Variants in CAMK4 observed in about 807,000 individuals in gnomAD.
CAMK4 encodes calcium/calmodulin-dependent protein kinase type IV.
Under a neutral mutation model 44.9 loss-of-function variants are expected in CAMK4, and 22 were observed. The ratio of observed to expected loss-of-function variants is 0.49; its 90% CI spans 0.35 to 0.70. CAMK4 has a LOEUF of 0.70. CAMK4 is among the 30% of genes least tolerant of loss of function. The pLI is 0.01. For synonymous variants in CAMK4, 218 were observed against 215.4 expected (o/e 1.01, Z -0.11); for missense variants, 498 against 586.8 (o/e 0.85, Z 1.56).
In CAMK4 at chr5:111,465,515, C is replaced by T. The variant is rs138754155; in HGVS notation, c.626-7796C>T. On this transcript the variant is annotated intron_variant, in intron 7 of 10. Coordinates refer to ENST00000282356, the MANE Select transcript of CAMK4 (RefSeq NM_001744.6). ...CAAATAAGCTCAATTGGAAACACAA[C>T]AGGAGATACTACAACCAATACCACA... Among the ~76,000 whole-genome samples, 577 of 152,118 alleles carry T rather than the reference C, an allele frequency of 3.8e-3. 7 individuals are homozygous for T. Among genetic ancestry groups the T allele is most frequent in the African/African-American group, 0.013 (560 of 41,500 alleles).
At chr5:111,448,863 G>A (rs1388536764) in intron 6 of CAMK4, among the ~76,000 whole-genome samples, 3 of 152,066 alleles carry the variant, frequency 2.0e-5, no homozygotes, top group South Asian at 2.1e-4. Context: ...TGCTGAAAGC[G>A]GGGAATTGTA....
At chr5:111,371,201 G>A (rs1750992813) in intron 2 of CAMK4, among the ~76,000 whole-genome samples, 1 of 152,052 alleles carries the variant, frequency 6.6e-6, no homozygotes, top group Non-Finnish European at 1.5e-5. Context: ...CCACTGACTG[G>A]CTACCAGCAA....
At chr5:111,436,666 C>G (rs183996906) in intron 5 of CAMK4, among the ~76,000 whole-genome samples, 132 of 152,312 alleles carry the variant, frequency 8.7e-4, no homozygotes, top group Admixed American at 2.9e-3. Context: ...TTAACAGATG[C>G]CTTTGAACTT....
At chr5:111,343,019 A>G (rs2112750699) in intron 1 of CAMK4, among the ~76,000 whole-genome samples, 1 of 151,780 alleles carries the variant, frequency 6.6e-6, no homozygotes, top group Non-Finnish European at 1.5e-5. Context: ...TAAAATAAGG[A>G]AATGAATTTT....
chr5:111,237,589 G>A (rs62375582), intron 1 of CAMK4, among the ~76,000 whole-genome samples: 29,687 of 152,262 alleles, frequency 0.19, 3,694 homozygotes, highest in Non-Finnish European at 0.28. Flanking sequence ...CTATACAAAT[G>A]CTAGCACTAG....
intron 2 of CAMK4, among the ~76,000 whole-genome samples, chr5:111,363,237 G>A (rs577023172): frequency 3.2e-4 from 48 of 152,062 alleles, no homozygotes; most frequent in Non-Finnish European, 5.9e-4. Flanking sequence ...CTCCACTGGT[G>A]TCAATAACAT....
At chr5:111,279,231 G>A (rs575642513) in intron 1 of CAMK4, among the ~76,000 whole-genome samples, 1 of 152,272 alleles carries the variant, frequency 6.6e-6, no homozygotes, top group African/African-American at 2.4e-5. Flanking sequence ...GAATATTACT[G>A]GAGGAAAGGA....
rs116142728 is a variant in CAMK4 at position 111,345,455 on chromosome 5, G to C, written c.240+1353G>C. 7.8e-3 allele frequency among the ~76,000 whole-genome samples: 1,184 copies of C among 151,926 alleles called. 9 individuals carry two copies. Among genetic ancestry groups the C allele is most frequent in the African/African-American group, 0.026 (1,081 of 41,490 alleles). On this transcript the variant is annotated intron_variant, in intron 2 of 10. Coordinates refer to ENST00000282356, the MANE Select transcript of CAMK4 (RefSeq NM_001744.6). Reference sequence around the variant, plus strand: ...GGATTATTAAAACTTTTATGAAATAGAATTTCCTGTTAAATATTTAGTTTG... The same window carrying C: ...GGATTATTAAAACTTTTATGAAATACAATTTCCTGTTAAATATTTAGTTTG...
intron 1 of CAMK4, among the ~76,000 whole-genome samples, chr5:111,232,156 G>C (rs534412844): frequency 2.0e-5 from 3 of 152,234 alleles, no homozygotes; most frequent in Admixed American, 2.0e-4. Flanking sequence ...GCATGTGGTG[G>C]GGTAAGGGCC....
At chr5:111,385,287 C>T (rs55659715) in intron 4 of CAMK4, among the ~76,000 whole-genome samples, 4,953 of 151,912 alleles carry the variant, frequency 0.033, 283 homozygotes, top group African/African-American at 0.11. Context: ...GTGTAGAGTA[C>T]AAAACAAGGG....
chr5:111,241,855 C>G (rs17521129), intron 1 of CAMK4, among the ~76,000 whole-genome samples: 1 of 152,004 alleles, frequency 6.6e-6, no homozygotes, highest in African/African-American at 2.4e-5. Flanking sequence ...TGTTACAGAG[C>G]GGAGCACATT....
chr5:111,254,227 A>T (rs1373004984), intron 1 of CAMK4, among the ~76,000 whole-genome samples: 1 of 152,220 alleles, frequency 6.6e-6, no homozygotes, highest in African/African-American at 2.4e-5. Context: ...CTCCTGCTTC[A>T]TTAATGTCTA....
At chr5:111,412,200 G>A (rs1026319254) in intron 5 of CAMK4, among the ~76,000 whole-genome samples, 2 of 152,126 alleles carry the variant, frequency 1.3e-5, no homozygotes, top group African/African-American at 4.8e-5. Context: ...AAAGAGAAAA[G>A]ATGCCACTAA....
At chr5:111,441,008 C>G (rs141336100) in intron 5 of CAMK4, among the ~76,000 whole-genome samples, 1 of 152,120 alleles carries the variant, frequency 6.6e-6, no homozygotes. Flanking sequence ...GCAAAGTGGG[C>G]GTTGCAGATG....
Position 111,485,917 on chromosome 5 carries a change from G to A in CAMK4, c.*1451G>A, listed in dbSNP as rs1250911683. On this transcript the variant is annotated 3_prime_UTR_variant, in exon 11 of 11. Coordinates refer to ENST00000282356, the MANE Select transcript of CAMK4 (RefSeq NM_001744.6). ...ATGAATATTTTATCAGATTAATTAT[G>A]TGTCACATTTTTGGTGGGTTTTCTC... The A allele has an allele frequency of 6.6e-6, 1 of 151,976 alleles. No individual in the cohort carries two copies. Among genetic ancestry groups the A allele is most frequent in the Non-Finnish European group, 1.5e-5 (1 of 67,984 alleles). 9.4% of individuals were successfully genotyped at this position (151,976 alleles called of 1,614,324 possible).
At chr5:111,359,625 G>T (rs1750511739) in intron 2 of CAMK4, among the ~76,000 whole-genome samples, 1 of 152,084 alleles carries the variant, frequency 6.6e-6, no homozygotes, top group African/African-American at 2.4e-5. Context: ...TGTTGCAGTT[G>T]CTTTTGGCAT....
intron 7 of CAMK4, among the ~76,000 whole-genome samples, chr5:111,452,447 T>C (rs1434578493): frequency 6.6e-6 from 1 of 152,182 alleles, no homozygotes; most frequent in Non-Finnish European, 1.5e-5. Context: ...TTATGACATA[T>C]TATGACATGA....
intron 1 of CAMK4, among the ~76,000 whole-genome samples, chr5:111,303,853 G>T (rs1204843302): frequency 1.5e-5 from 2 of 137,590 alleles, no homozygotes; most frequent in African/African-American, 6.3e-5. Context: ...GAGAAAGGTC[G>T]GGTTACCCTC....
intron 4 of CAMK4, among the ~76,000 whole-genome samples, chr5:111,378,748 G>T (rs909470416): frequency 1.3e-5 from 2 of 152,152 alleles, no homozygotes; most frequent in Non-Finnish European, 2.9e-5. Flanking sequence ...AAGACTCACA[G>T]TTGTGAATCC....
Sources: gnomAD v4.1 joint callset for allele counts (sites outside exome capture counted in the v4.1 genomes callset) on GRCh38, gnomAD v4.1.1 for gene constraint, MANE v1.5 for transcripts, NCBI Gene and HGNC (gene_info 2026-07-23, HGNC 2026-07-21) for gene names.